ZBBX: variants seen among roughly 807,000 people sequenced by gnomAD.
ZBBX encodes the protein zinc finger B-box domain containing.
ZBBX carries 101 observed loss-of-function variants against 108.5 expected under a neutral mutation model. The ratio of observed to expected loss-of-function variants is 0.93; its 90% CI spans 0.79 to 1.10. The LOEUF (loss-of-function observed/expected upper bound fraction) is 1.10. Ranked by LOEUF, ZBBX falls within the 50% of genes least tolerant of loss-of-function variation. ZBBX has a pLI of 0.00. For missense variants in ZBBX, 1,009 were observed against 941.4 expected (o/e 1.07, Z -0.94); for synonymous variants, 356 against 323.4 (o/e 1.10, Z -1.08).
chr3:167,405,974 G>C (rs992737136), intron 1 of ZBBX, among the ~76,000 whole-genome samples: 2 of 151,626 alleles, frequency 1.3e-5, no homozygotes, highest in Non-Finnish European at 2.9e-5. Context: ...GCTAAGGCAG[G>C]AGAATCACTT....
chr3:167,292,786 A>G (rs922516524), intron 18 of ZBBX, among the ~76,000 whole-genome samples: 1 of 152,302 alleles, frequency 6.6e-6, no homozygotes, highest in East Asian at 1.9e-4. Context: ...AAGACCAACA[A>G]AGTAGATAGA....
At chr3:167,275,109 A>T (rs13082009) in intron 20 of ZBBX, among the ~76,000 whole-genome samples, 49,797 of 152,062 alleles carry the variant, frequency 0.33, 9,468 homozygotes, top group Non-Finnish European at 0.43. Context: ...CCTTTTATTA[A>T]GTTGGCTAAA....
chr3:167,380,004 G>A (rs1747554825), intron 1 of ZBBX, among the ~76,000 whole-genome samples: 1 of 152,208 alleles, frequency 6.6e-6, no homozygotes, highest in Admixed American at 6.5e-5. Context: ...GTATACCAAA[G>A]GCTTTCAACT....
chr3:167,199,585 A>G, the ZBBX span, among the ~76,000 whole-genome samples: 1 of 152,232 alleles, frequency 6.6e-6, no homozygotes, highest in African/African-American at 2.4e-5. Context: ...AGGTCTTGTT[A>G]CATACACATG....
intron 20 of ZBBX, among the ~76,000 whole-genome samples, chr3:167,243,111 T>C (rs905585209): frequency 2.6e-5 from 4 of 152,232 alleles, no homozygotes; most frequent in Admixed American, 2.6e-4. Context: ...AGATAATAAC[T>C]GTTCATATTT....
intron 18 of ZBBX, among the ~76,000 whole-genome samples, chr3:167,290,133 G>T (rs1730429827): frequency 6.6e-6 from 1 of 152,180 alleles, no homozygotes; most frequent in Admixed American, 6.5e-5. Flanking sequence ...AGGGGCGGTT[G>T]TAGGTGCAGC....
intron 20 of ZBBX, among the ~76,000 whole-genome samples, chr3:167,253,524 G>A (rs1722968373): frequency 6.6e-6 from 1 of 151,968 alleles, no homozygotes; most frequent in African/African-American, 2.4e-5. Context: ...AGACAAGAAA[G>A]CCCAGATCTT....
In ZBBX at chr3:167,395,826, A is replaced by T. The variant is rs143209298; in HGVS notation, c.-446+11900T>A. Among the ~76,000 whole-genome samples, 691 of 152,102 alleles carry T rather than the reference A, an allele frequency of 4.5e-3. 7 individuals are homozygous for T. The highest frequency in any genetic ancestry group is 0.016 in the African/African-American group (666 of 41,540). On this transcript the variant is annotated intron_variant, in intron 1 of 21. Transcript: ENST00000455345. Reference sequence around the variant, plus strand: ...GAGCTATTGCAAGAATAGGGAATTAAGAGAGAAAGCCATGTAGCCTACTTT... The same window carrying T: ...GAGCTATTGCAAGAATAGGGAATTATGAGAGAAAGCCATGTAGCCTACTTT...
chr3:167,298,205 A>G (rs758195903), intron 18 of ZBBX, 100 bp downstream of exon 18: 35 of 946,310 alleles, frequency 3.7e-5, no homozygotes, highest in Middle Eastern at 5.1e-4. Context: ...TAATAATTTT[A>G]GGCTGGCAAG....
chr3:167,246,801 T>C (rs929590540), intron 20 of ZBBX, among the ~76,000 whole-genome samples: 10 of 152,186 alleles, frequency 6.6e-5, no homozygotes, highest in African/African-American at 2.2e-4. Flanking sequence ...TATGTTAAGC[T>C]CATCAAGGAA....
chr3:167,266,516 C>G (rs1463977871), intron 20 of ZBBX, among the ~76,000 whole-genome samples: 1 of 152,160 alleles, frequency 6.6e-6, no homozygotes, highest in Non-Finnish European at 1.5e-5. Context: ...GTCTCACAAG[C>G]TCCACCACTG....
rs865816831 is a variant in ZBBX at position 167,305,876 on chromosome 3, C to T, written c.1492G>A (p.Glu498Lys). 2 of 1,608,308 alleles carry T rather than the reference C, an allele frequency of 1.2e-6. No individual in the cohort carries two copies. The highest frequency in any genetic ancestry group is 1.7e-6 in the Non-Finnish European group (2 of 1,177,834). The change falls in exon 17 of 22, where the codon GAA (glutamate) becomes AAA (lysine). Residue 498 changes from glutamate (E) to lysine (K), a missense_variant. Coordinates refer to ENST00000675490, the MANE Select transcript of ZBBX (RefSeq NM_001199201.2). ...VYSSDIEKIE[E>K]STSFERNLKE... ...AAATTTCTTTCAAAGGAGGTGCTTT[C>T]CTCAATTTTTTCAATGTCAGAAGAA...
intron 1 of ZBBX, among the ~76,000 whole-genome samples, chr3:167,389,126 C>A (rs1451406508): frequency 6.6e-6 from 1 of 151,886 alleles, no homozygotes; most frequent in East Asian, 1.9e-4. Flanking sequence ...TCTCCCTCCC[C>A]TTGCCCCCGA....
the ZBBX span, among the ~76,000 whole-genome samples, chr3:167,200,232 G>A: frequency 6.6e-6 from 1 of 152,078 alleles, no homozygotes; most frequent in East Asian, 1.9e-4. Context: ...TTTGGCAGAG[G>A]AGAGGGGAGC....
chr3:167,276,943 C>A (rs1488309649), intron 20 of ZBBX, among the ~76,000 whole-genome samples: 4 of 152,146 alleles, frequency 2.6e-5, no homozygotes, highest in Non-Finnish European at 1.5e-5. Flanking sequence ...CAATATTCAA[C>A]ATTCTTAAAG....
At chr3:167,265,862 T>C (rs1156330386) in intron 20 of ZBBX, among the ~76,000 whole-genome samples, 2 of 152,344 alleles carry the variant, frequency 1.3e-5, no homozygotes, top group East Asian at 3.9e-4. Flanking sequence ...TTCTCTGCTG[T>C]GACCAGGTAG....
chr3:167,273,680 G>T (rs1486133511), intron 20 of ZBBX, among the ~76,000 whole-genome samples: 1 of 152,050 alleles, frequency 6.6e-6, no homozygotes, highest in East Asian at 2.0e-4. Flanking sequence ...CACTCTGCCA[G>T]GTAACTGGAG....
Position 167,375,643 on chromosome 3 carries a change from T to C in ZBBX, c.-131-1856A>G, listed in dbSNP as rs1197595144. Among the ~76,000 whole-genome samples the C allele has an allele frequency of 2.0e-5, 3 of 151,830 alleles. No homozygotes were observed. In the South Asian group the frequency reaches 6.2e-4, roughly 32 times the overall value. ...ATACACCAACAAACACACAAATTCA[T>C]CTTGTTGTGCCTCATTTGAAATTAA... On this transcript the variant is annotated intron_variant, in intron 2 of 21. Transcript: ENST00000675490.
chr3:167,223,196 C>G, the ZBBX span, among the ~76,000 whole-genome samples: 1 of 151,856 alleles, frequency 6.6e-6, no homozygotes, highest in Non-Finnish European at 1.5e-5. Flanking sequence ...GTCAGGCCTT[C>G]CCCTCAGAGT....
Sources: gnomAD v4.1 joint callset for allele counts (sites outside exome capture counted in the v4.1 genomes callset) on GRCh38, gnomAD v4.1.1 for gene constraint, MANE v1.5 for transcripts, NCBI Gene and HGNC (gene_info 2026-07-23, HGNC 2026-07-21) for gene names.